Variants in WDR33 observed in about 807,000 individuals in gnomAD.
The protein encoded by WDR33 is WD repeat domain 33.
In WDR33, 47 loss-of-function variants were observed where a neutral mutation model predicts 164.9. The observed-to-expected ratio is 0.29, with a 90% CI of 0.23 to 0.36. The LOEUF (loss-of-function observed/expected upper bound fraction) is 0.36. WDR33 is among the 10% of genes least tolerant of loss of function. The probability of loss-of-function intolerance (pLI) is 1.00; values close to 1 mark genes in which losing one functional copy is unlikely to be tolerated. For missense variants in WDR33, 1,137 were observed against 1,754.1 expected, an observed-to-expected ratio of 0.65 and a Z score of 6.28; for synonymous variants, 505 against 589.0, an observed-to-expected ratio of 0.86 and a Z score of 2.06.
At chr2:127,730,084 T>C (rs1286310782) in intron 7 of WDR33, among the ~76,000 whole-genome samples, 1 of 152,096 alleles carries the variant, frequency 6.6e-6, no homozygotes, top group Non-Finnish European at 1.5e-5. Context: ...AGAAGGAGAC[T>C]TTTCACGACA....
rs962890763 is a variant in WDR33, at chr2:127,710,700, C to T, written c.3309-844G>A. Among the ~76,000 whole-genome samples, 4 of 152,294 alleles carry T rather than the reference C, an allele frequency of 2.6e-5. No homozygotes were observed. The highest frequency in any genetic ancestry group is 7.2e-5 in the African/African-American group (3 of 41,570). ...AGAAGAGAAAGTGACCTTCTGGCAG[C>T]GCTCACTGAGAGGCGGTGGCGCCAC... On this transcript the variant is annotated intron_variant, in intron 18 of 21. Coordinates refer to ENST00000322313, the MANE Select transcript of WDR33 (RefSeq NM_018383.5). This position sits in a 1 kb window ranked among gnomAD's most constrained non-coding sequence, Gnocchi z 4.4.
At chr2:127,759,883 T>C (rs763535694) in intron 7 of WDR33, among the ~76,000 whole-genome samples, 1 of 152,020 alleles carries the variant, frequency 6.6e-6, no homozygotes, top group African/African-American at 2.4e-5. Flanking sequence ...TCTATTTTTT[T>C]AAAAAAAATT....
chr2:127,768,358 C>T (rs1325260647), intron 3 of WDR33, 65 bp from the exon 4 acceptor site: 15 of 928,110 alleles, frequency 1.6e-5, no homozygotes, highest in South Asian at 4.8e-5. Flanking sequence ...ACCAGAAACA[C>T]GGCAAGGTAA....
In WDR33 at chr2:127,708,542, G is replaced by A. The variant is rs926563104; in HGVS notation, c.3781+135C>T. On this transcript the variant is annotated intron_variant, in intron 21 of 21. Coordinates refer to ENST00000322313, the MANE Select transcript of WDR33 (RefSeq NM_018383.5). The surrounding 1 kb of genome is among the most constrained non-coding windows in gnomAD (Gnocchi z 6.7). The stretch of plus-strand genomic sequence containing the variant: ...GTTGCAGTCCACCAGATGACAGCTC[G>A]TGTGGCACTGGCACCACATTTAGGA... The A allele has an allele frequency of 2.7e-5, 26 of 950,878 alleles. No homozygotes were observed. The highest frequency in any genetic ancestry group is 3.3e-5 in the African/African-American group (2 of 60,694). The allele number at this position is 950,878 out of a possible 1,614,324, so 58.9% of individuals were successfully genotyped here. A position where few individuals can be genotyped will look rare whatever the true frequency, so the allele number is the denominator to read the frequency against.
rs1686421610 is a variant in WDR33 at position 127,720,867 on chromosome 2, A to T, written c.1672-514T>A. On this transcript the variant is annotated intron_variant, in intron 15 of 21. Transcript: ENST00000322313. The surrounding 1 kb of genome is among the most constrained non-coding windows in gnomAD (Gnocchi z 5.9). The stretch of plus-strand genomic sequence containing the variant: ...AGCCACTGTGCCTGGCCTAGTCAGG[A>T]TTATTTTTGTCCATCTTGATCAGGG... Among the ~76,000 whole-genome samples the T allele has an allele frequency of 6.6e-6, 1 of 151,818 alleles. No homozygotes were observed. Among genetic ancestry groups the T allele is most frequent in the Admixed American group, 6.6e-5 (1 of 15,264 alleles).
chr2:127,745,060 TATC>T (rs1687128372), intron 7 of WDR33, among the ~76,000 whole-genome samples: 3 of 152,172 alleles, frequency 2.0e-5, no homozygotes, highest in Admixed American at 1.3e-4. Context: ...CCTTTGTACT[TATC>T]ATCTTCCTGA....
chr2:127,773,420 A>AAGG (rs781370249), intron 1 of WDR33, among the ~76,000 whole-genome samples: 25 of 151,876 alleles, frequency 1.6e-4, no homozygotes, highest in African/African-American at 4.6e-4. Flanking sequence ...TAATAACAAC[A>AAGG]AGGAGGAGGA....
At position 127,706,811 on chromosome 2, in the gene WDR33, A is replaced by T. The variant is rs1165920959; in HGVS notation, c.3782-259T>A. On this transcript the variant is annotated intron_variant, in intron 21 of 21. Coordinates refer to ENST00000322313, the MANE Select transcript of WDR33 (RefSeq NM_018383.5). This position sits in a 1 kb window ranked among gnomAD's most constrained non-coding sequence, Gnocchi z 5.1. Reference sequence around the variant, plus strand: ...GCTGTGTGACAGACGACAGGAAGCCAAGAGATGAGCAAGGAGCACCTTCAG... The same window carrying T: ...GCTGTGTGACAGACGACAGGAAGCCTAGAGATGAGCAAGGAGCACCTTCAG... 6.6e-6 allele frequency among the ~76,000 whole-genome samples: 1 copy of T among 152,230 alleles called. No individual in the cohort carries two copies. The highest frequency in any genetic ancestry group is 6.5e-5 in the Admixed American group (1 of 15,278).
At position 127,712,159 on chromosome 2, in the gene WDR33, G is replaced by T. The variant is rs114871774; in HGVS notation, c.3308+1424C>A. 2.0e-5 allele frequency among the ~76,000 whole-genome samples: 3 copies of T among 152,026 alleles called. No individual in the cohort carries two copies. The highest frequency in any genetic ancestry group is 6.5e-5 in the Admixed American group (1 of 15,280). On this transcript the variant is annotated intron_variant, in intron 18 of 21. Transcript: ENST00000322313. This position sits in a 1 kb window ranked among gnomAD's most constrained non-coding sequence, Gnocchi z 4.0. ...GCCTATAATCCCTGCACTCTGGGGGGGCTGAAGAACGTGGATCACTTGAGG... is the reference window on the plus strand; with the variant it reads ...GCCTATAATCCCTGCACTCTGGGGGTGCTGAAGAACGTGGATCACTTGAGG...
rs1573874483 is a variant in WDR33, at chr2:127,708,866, T to G, written c.3592A>C (p.Thr1198Pro). Residue 1198 changes from threonine to proline, a missense_variant, in exon 21 of 22, where the codon ACT becomes CCT. Transcript: ENST00000322313. This position sits in a 1 kb window ranked among gnomAD's most constrained non-coding sequence, Gnocchi z 6.7. Reference sequence around the variant, plus strand: ...TGAGGGGGATGATCAGGGCGGGGAGTATCACGAAAATGTTCATGACCTGGC... The same window carrying G: ...TGAGGGGGATGATCAGGGCGGGGAGGATCACGAAAATGTTCATGACCTGGC... ...PGPGHEHFRD[T>P]PRPDHPPHDG... 6.3e-7 allele frequency: 1 copy of G among 1,580,666 alleles called. No homozygotes were observed. The highest frequency in any genetic ancestry group is 1.7e-4 in the Middle Eastern group (1 of 5,896).
rs969459853 is a variant in WDR33, at chr2:127,782,348, C to T, written c.-23-11344G>A. Among the ~76,000 whole-genome samples the T allele has an allele frequency of 5.9e-5, 9 of 151,870 alleles. No homozygotes were observed. In the South Asian group the frequency reaches 1.5e-3, roughly 25 times the overall value. On this transcript the variant is annotated intron_variant, in intron 1 of 21. Coordinates refer to ENST00000322313, the MANE Select transcript of WDR33 (RefSeq NM_018383.5). ...GCTTGAACCTGGGAGGCAGGGGTTG[C>T]GGCGAGCCGAGATTGCACCACTGCA...
In WDR33 at chr2:127,711,751, GAT is replaced by G. The variant is rs754454193; in HGVS notation, c.3308+1830_3308+1831del. Reference sequence around the variant, plus strand: ...CAACCCTAACTCAACCACATATACAGATATATATATATATATATATATATATA... The same window carrying G: ...CAACCCTAACTCAACCACATATACAGATATATATATATATATATATATATA... On this transcript the variant is annotated intron_variant, in intron 18 of 21. Transcript: ENST00000322313. Among the ~76,000 whole-genome samples, 63 of 71,520 alleles carry G rather than the reference GAT, an allele frequency of 8.8e-4. 4 individuals are homozygous for G. The highest frequency in any genetic ancestry group is 1.8e-3 in the South Asian group (3 of 1,626). 46.9% of individuals were successfully genotyped at this position (71,520 alleles called of 152,430 possible). A position where few individuals can be genotyped will look rare whatever the true frequency, so the allele number is the denominator to read the frequency against.
chr2:127,766,552 T>A (rs190089966), intron 4 of WDR33, among the ~76,000 whole-genome samples: 2 of 152,200 alleles, frequency 1.3e-5, no homozygotes, highest in East Asian at 3.8e-4. Flanking sequence ...CTCTACTATG[T>A]GCAAATTCTT....
chr2:127,719,429 G>A lies in WDR33; in HGVS notation c.2596C>T (p.Gln866Ter), dbSNP rs1686374895. The change falls in exon 16 of 22, where the codon CAG becomes TAG. Residue 866 changes from glutamine to a stop codon, truncating the protein, a stop_gained. Transcript: ENST00000322313. LOFTEE classifies it high-confidence loss of function. This position sits in a 1 kb window ranked among gnomAD's most constrained non-coding sequence, Gnocchi z 6.5. ...PGSQSQQGPP[Q>*]GSLGPPPQGG... ...TGGGGTGGAGGTCCTAAAGAGCCCT[G>A]GGGCGGCCCCTGCTGACTTTGTGAG... is the stretch of plus-strand genomic sequence containing the variant. 6.4e-7 allele frequency: 1 copy of A among 1,559,852 alleles called. No individual in the cohort carries two copies. Among genetic ancestry groups the A allele is most frequent in the Non-Finnish European group, 8.7e-7 (1 of 1,153,318 alleles).
chr2:127,794,995 A>T (rs2105486392), intron 1 of WDR33, among the ~76,000 whole-genome samples: 1 of 152,052 alleles, frequency 6.6e-6, no homozygotes, highest in Non-Finnish European at 1.5e-5. Context: ...GTGTCAAAAC[A>T]TAAAAATAAA....
chr2:127,801,112 A>T (rs1297507740), intron 1 of WDR33, among the ~76,000 whole-genome samples: 2 of 151,210 alleles, frequency 1.3e-5, no homozygotes. Flanking sequence ...AGGAAAAAAA[A>T]AAAAAAGAAA....
intron 18 of WDR33, among the ~76,000 whole-genome samples, chr2:127,711,231 C>T (rs569874915): frequency 5.9e-5 from 9 of 152,172 alleles, no homozygotes; most frequent in Non-Finnish European, 1.3e-4. Flanking sequence ...TCGAGACCAG[C>T]CTGGCCAACA....
chr2:127,800,864 A>G (rs1199400803), intron 1 of WDR33, among the ~76,000 whole-genome samples: 1 of 152,186 alleles, frequency 6.6e-6, no homozygotes, highest in African/African-American at 2.4e-5. Flanking sequence ...TTGTGTACAC[A>G]GTATTGCCAC....
intron 4 of WDR33, among the ~76,000 whole-genome samples, chr2:127,765,895 C>T (rs1202160227): frequency 6.6e-6 from 1 of 151,734 alleles, no homozygotes. Flanking sequence ...AGTGCCATGA[C>T]TAATTAACAC....
Sources: gnomAD v4.1 joint callset for allele counts (sites outside exome capture counted in the v4.1 genomes callset) on GRCh38, gnomAD v4.1.1 for gene constraint, Gnocchi (gnomAD v3.1) non-coding constraint, MANE v1.5 for transcripts, NCBI Gene and HGNC (gene_info 2026-07-23, HGNC 2026-07-21) for gene names.